Variants in SCMH1 observed in about 807,000 individuals in gnomAD.
The protein encoded by SCMH1 is Scm polycomb group protein homolog 1, also known as polycomb protein SCMH1.
A neutral mutation model predicts 70.8 loss-of-function variants in SCMH1; 37 were observed. The observed-to-expected ratio is 0.52, with a 90% CI of 0.40 to 0.69. The LOEUF is 0.69. Ranked by LOEUF, SCMH1 falls within the 30% of genes least tolerant of loss-of-function variation. The pLI is 0.00. For synonymous variants in SCMH1, 292 were observed against 307.4 expected, an observed-to-expected ratio of 0.95 and a Z score of 0.52; for missense variants, 607 against 827.3, an observed-to-expected ratio of 0.73 and a Z score of 3.27.
At chr1:41,092,750 C>A (rs1329076157) in intron 8 of SCMH1, among the ~76,000 whole-genome samples, 1 of 152,196 alleles carries the variant, frequency 6.6e-6, no homozygotes, top group African/African-American at 2.4e-5. Flanking sequence ...GACATTTATG[C>A]AGCCAACAGA....
intron 8 of SCMH1, among the ~76,000 whole-genome samples, chr1:41,081,014 C>G (rs1659854773): frequency 6.6e-6 from 1 of 151,996 alleles, no homozygotes; most frequent in South Asian, 2.1e-4. Context: ...TTCCTCCTTA[C>G]AAGTCTACAA....
intron 1 of SCMH1, among the ~76,000 whole-genome samples, chr1:41,205,393 C>T (rs1275712765): frequency 6.6e-6 from 1 of 152,244 alleles, no homozygotes; most frequent in African/African-American, 2.4e-5. Flanking sequence ...AGATTCTCTC[C>T]TGTGCCTGGC....
At position 41,238,308 on chromosome 1, in the gene SCMH1, G is replaced by A. The variant is rs557495478; in HGVS notation, c.-118+3751C>T. Among the ~76,000 whole-genome samples, 15 of 152,258 alleles carry A rather than the reference G, an allele frequency of 9.9e-5. No homozygotes were observed. The South Asian group carries it at 3.1e-3, about 32-fold the overall frequency. On this transcript the variant is annotated intron_variant, in intron 1 of 14. Coordinates refer to ENST00000337495, the Ensembl canonical transcript of SCMH1. Reference sequence around the variant, plus strand: ...AGTATTAGCAGAAAGGATTCAATATGAGGTATGTGCCCTCCCACTTTCCAA... The same window carrying A: ...AGTATTAGCAGAAAGGATTCAATATAAGGTATGTGCCCTCCCACTTTCCAA...
intron 1 of SCMH1, among the ~76,000 whole-genome samples, chr1:41,224,279 T>C (rs1454503888): frequency 3.9e-5 from 6 of 152,202 alleles, no homozygotes; most frequent in Non-Finnish European, 8.8e-5. Flanking sequence ...ATTCCTCTAC[T>C]AGATTATGAG....
intron 10 of SCMH1, among the ~76,000 whole-genome samples, chr1:41,067,715 A>C (rs1277871991): frequency 6.6e-6 from 1 of 152,178 alleles, no homozygotes; most frequent in Non-Finnish European, 1.5e-5. Context: ...TGTATTATAC[A>C]TGATGGTGGA....
intron 1 of SCMH1, among the ~76,000 whole-genome samples, chr1:41,198,385 G>C (rs1366157045): frequency 6.6e-6 from 1 of 152,182 alleles, no homozygotes; most frequent in African/African-American, 2.4e-5. Flanking sequence ...CAAAGCAGAA[G>C]CCTGTCTTTA....
At chr1:41,152,415 TAC>T (rs1473786239) in intron 4 of SCMH1, among the ~76,000 whole-genome samples, 1 of 152,186 alleles carries the variant, frequency 6.6e-6, no homozygotes, top group African/African-American at 2.4e-5. Context: ...GAACTGGCCT[TAC>T]AGCCTCTAAA....
intron 8 of SCMH1, among the ~76,000 whole-genome samples, chr1:41,081,291 G>A (rs1454656070): frequency 6.6e-6 from 1 of 152,206 alleles, no homozygotes; most frequent in Non-Finnish European, 1.5e-5. Flanking sequence ...CATCACCACT[G>A]TTAGGTGTCA....
intron 9 of SCMH1, among the ~76,000 whole-genome samples, chr1:41,074,721 T>C (rs1657665114): frequency 6.6e-6 from 1 of 152,200 alleles, no homozygotes; most frequent in South Asian, 2.1e-4. Context: ...CCCAATTCTA[T>C]CTTTAATATT....
chr1:41,158,267 T>A (rs1227614343), intron 4 of SCMH1, among the ~76,000 whole-genome samples: 3 of 152,142 alleles, frequency 2.0e-5, no homozygotes, highest in East Asian at 3.9e-4. Flanking sequence ...CAAAATATCA[T>A]CCTTAACCTC....
rs988890664 is a variant in SCMH1, at chr1:41,057,335, G to C, written c.1106-8445C>G. Among the ~76,000 whole-genome samples, 11 of 152,016 alleles carry C rather than the reference G, an allele frequency of 7.2e-5. 1 individual carries two copies. The highest frequency in any genetic ancestry group is 7.2e-4 in the Admixed American group (11 of 15,282). On this transcript the variant is annotated intron_variant, in intron 10 of 14. Coordinates refer to ENST00000337495, the Ensembl canonical transcript of SCMH1. Reference sequence around the variant, plus strand: ...GGCCGGAGTGCAGTGGCATGATCTCGGCTCCCTGCAACCTCCGCCTCCCGG... The same window carrying C: ...GGCCGGAGTGCAGTGGCATGATCTCCGCTCCCTGCAACCTCCGCCTCCCGG...
intron 6 of SCMH1, among the ~76,000 whole-genome samples, chr1:41,136,727 A>C (rs1643395691): frequency 7.0e-6 from 1 of 143,076 alleles, no homozygotes; most frequent in Admixed American, 6.9e-5. Context: ...TATGCTAACT[A>C]GTGGTTTGTC....
intron 1 of SCMH1, among the ~76,000 whole-genome samples, chr1:41,213,954 A>G (rs111986060): frequency 0.022 from 3,294 of 152,210 alleles, 68 homozygotes; most frequent in South Asian, 0.042. Context: ...ACTGGGCAAT[A>G]GTGAAAAGGT....
At chr1:41,150,870 G>A (rs943404460) in intron 5 of SCMH1, among the ~76,000 whole-genome samples, 8 of 143,420 alleles carry the variant, frequency 5.6e-5, no homozygotes, top group Non-Finnish European at 1.0e-4. Flanking sequence ...CCAGGAGGCG[G>A]AGCTTGCATT....
intron 6 of SCMH1, among the ~76,000 whole-genome samples, chr1:41,134,215 C>G (rs1364495784): frequency 6.6e-6 from 1 of 152,134 alleles, no homozygotes; most frequent in African/African-American, 2.4e-5. Context: ...CAGAAAAGGC[C>G]TTTGACAAAA....
At chr1:41,034,678 T>C (rs570490915) in intron 13 of SCMH1, among the ~76,000 whole-genome samples, 1 of 152,180 alleles carries the variant, frequency 6.6e-6, no homozygotes, top group African/African-American at 2.4e-5. Context: ...TCCTATACTT[T>C]CACACCTCAC....
intron 2 of SCMH1, among the ~76,000 whole-genome samples, chr1:41,168,220 C>A (rs1434692622): frequency 6.6e-6 from 1 of 152,018 alleles, no homozygotes; most frequent in African/African-American, 2.4e-5. Context: ...GACATAATTT[C>A]TTTGAATATA....
At chr1:41,108,020 C>G (rs537389338) in intron 8 of SCMH1, among the ~76,000 whole-genome samples, 40 of 152,136 alleles carry the variant, frequency 2.6e-4, no homozygotes, top group Non-Finnish European at 4.9e-4. Context: ...GAATCCTGTA[C>G]GTGAGCCACG....
intron 8 of SCMH1, among the ~76,000 whole-genome samples, chr1:41,083,216 C>G (rs1230516614): frequency 2.0e-5 from 3 of 152,150 alleles, no homozygotes; most frequent in Admixed American, 6.6e-5. Context: ...GATTGTATAT[C>G]TAGAAAACCC....
Sources: gnomAD v4.1 joint callset for allele counts (sites outside exome capture counted in the v4.1 genomes callset) on GRCh38, gnomAD v4.1.1 for gene constraint, MANE v1.5 for transcripts, NCBI Gene and HGNC (gene_info 2026-07-23, HGNC 2026-07-21) for gene names.